Variants in SHPRH observed in about 807,000 individuals in gnomAD.
SHPRH encodes SNF2 histone linker PHD RING helicase, also known as E3 ubiquitin-protein ligase SHPRH.
In SHPRH, 106 loss-of-function variants were observed where a neutral mutation model predicts 202.5. The ratio of observed to expected loss-of-function variants is 0.52; its 90% CI spans 0.45 to 0.62. The LOEUF (loss-of-function observed/expected upper bound fraction) is 0.62. Ranked by LOEUF, SHPRH falls within the 20% of genes least tolerant of loss-of-function variation. The probability of loss-of-function intolerance (pLI) is 0.00; values close to 1 mark genes in which losing one functional copy is unlikely to be tolerated. For missense variants in SHPRH, 1,710 were observed against 2,020.0 expected (o/e 0.85, Z 2.94); for synonymous variants, 729 against 686.0 (o/e 1.06, Z -0.98).
chr6:145,930,871 G>C (rs1311526461), intron 14 of SHPRH, among the ~76,000 whole-genome samples: 1 of 152,062 alleles, frequency 6.6e-6, no homozygotes, highest in Non-Finnish European at 1.5e-5. Flanking sequence ...TCAGTTTTTA[G>C]TATTTATTTT....
In SHPRH at chr6:145,940,779, A is replaced by G. The variant is rs1369526327; in HGVS notation, c.2513T>C (p.Leu838Ser). The G allele has an allele frequency of 6.2e-7, 1 of 1,613,858 alleles. No homozygotes were observed. Among genetic ancestry groups the G allele is most frequent in the Non-Finnish European group, 8.5e-7 (1 of 1,179,864 alleles). The change falls in exon 11 of 30, where the codon TTG (leucine) becomes TCG (serine). Residue 838 changes from leucine to serine, a missense_variant. Leu to Ser is a moderately radical substitution (Grantham distance 145). Transcript: ENST00000275233. ...TVKAAEMAQR[L>S]SGINRWCISG... ...GATACACCATCGATTAATCCCACTC[A>G]AACGCTGGGCCATTTCTGCAGCCTG...
chr6:145,910,557 T>C lies in SHPRH; in HGVS notation c.4406A>G (p.His1469Arg), dbSNP rs767660037. 10 of 1,611,392 alleles carry C rather than the reference T, an allele frequency of 6.2e-6. No homozygotes were observed. The South Asian group carries it at 9.9e-5, about 16-fold the overall frequency. ...IIIEQYSVGS[H>R]RSSIKCAICR... ...GATTGCACACTTAATGGAGCTTCTG[T>C]GAGATCCCACGCTGTATTGTTCAAT... Residue 1469 changes from histidine (H) to arginine (R), a missense_variant, in exon 25 of 30, where the codon CAC becomes CGC. His to Arg is a conservative substitution (Grantham distance 29). This residue lies in a region of SHPRH where 306 missense variants were observed against 479.5 expected (regional missense o/e 0.64). Coordinates refer to ENST00000275233, the MANE Select transcript of SHPRH (RefSeq NM_001042683.3).
chr6:145,931,092 T>C (rs1156727717), intron 14 of SHPRH, among the ~76,000 whole-genome samples: 1 of 152,146 alleles, frequency 6.6e-6, no homozygotes, highest in Non-Finnish European at 1.5e-5. Flanking sequence ...TTAACATATC[T>C]TTTTTCATCC....
intron 28 of SHPRH, among the ~76,000 whole-genome samples, chr6:145,889,954 C>T (rs1046139190): frequency 2.6e-4 from 40 of 152,190 alleles, no homozygotes; most frequent in African/African-American, 9.4e-4. Context: ...ACCCCTTCCT[C>T]CACTTCAGTG....
intron 20 of SHPRH, 84 bp downstream of exon 20, chr6:145,922,202 G>A: frequency 1.7e-6 from 2 of 1,168,412 alleles, no homozygotes; most frequent in South Asian, 1.4e-5. Flanking sequence ...TTACTGTGGG[G>A]GAAAACATAG....
At chr6:145,921,450 T>C in intron 20 of SHPRH, 58 bp from the exon 21 acceptor site, 1 of 1,493,044 alleles carries the variant, frequency 6.7e-7, no homozygotes, top group Non-Finnish European at 9.3e-7. Flanking sequence ...AAAAGCAACC[T>C]TCAATGTGAG....
Position 145,945,534 on chromosome 6 carries a change from A to G in SHPRH, c.1425T>C (p.Asp475=), listed in dbSNP as rs1303437051. Residue 475 remains aspartate (D), a synonymous_variant, in exon 8 of 30, where the codon GAT becomes GAC. Coordinates refer to ENST00000275233, the MANE Select transcript of SHPRH (RefSeq NM_001042683.3). ...YKYVSSIYRY[D]VQRNRSLLKR... ...TCAAAAGACTCCTGTTCCGTTGAAC[A>G]TCGTATCTATATATAGAACTGACAT... The G allele has an allele frequency of 1.7e-5, 27 of 1,613,206 alleles. No individual in the cohort carries two copies. Among genetic ancestry groups the G allele is most frequent in the Non-Finnish European group, 2.3e-5 (27 of 1,179,620 alleles).
intron 2 of SHPRH, among the ~76,000 whole-genome samples, chr6:145,871,861 G>T (rs574805172): frequency 1.8e-4 from 27 of 152,180 alleles, no homozygotes; most frequent in Middle Eastern, 3.4e-3. Context: ...ATAGACCAAT[G>T]GAAAAGAATA....
At chr6:145,948,740 G>T (rs1243001893) in intron 4 of SHPRH, among the ~76,000 whole-genome samples, 2 of 152,070 alleles carry the variant, frequency 1.3e-5, no homozygotes, top group Non-Finnish European at 1.5e-5. Flanking sequence ...TAACTCAATA[G>T]ACATATGCTA....
rs1262102893 is a variant in SHPRH at position 145,893,337 on chromosome 6, C to T, written c.4752G>A (p.Leu1584=). ...TAGTTAATCCATTAGAACCTGTGTG[C>T]AGGGGCAGCAGCAAAATATTGATTT... ...DPQINILLLP[L]HTGSNGLTII... Residue 1584 remains leucine (L), a synonymous_variant, in exon 28 of 30, where the codon CTG becomes CTA. Transcript: ENST00000275233. The T allele has an allele frequency of 2.5e-6, 4 of 1,597,872 alleles. No homozygotes were observed. Among genetic ancestry groups the T allele is most frequent in the South Asian group, 1.1e-5 (1 of 88,434 alleles).
intron 28 of SHPRH, among the ~76,000 whole-genome samples, chr6:145,892,119 C>G (rs1040696801): frequency 5.9e-5 from 9 of 152,126 alleles, no homozygotes; most frequent in Non-Finnish European, 1.0e-4. Flanking sequence ...GAGTATGACA[C>G]AGAAGACTTC....
chr6:145,930,804 G>A (rs1257639242), intron 14 of SHPRH, among the ~76,000 whole-genome samples: 1 of 152,122 alleles, frequency 6.6e-6, no homozygotes, highest in Non-Finnish European at 1.5e-5. Context: ...ACTGAGAGAG[G>A]GATGTAGAAA....
chr6:145,894,366 CA>C, intron 26 of SHPRH, 130 bp from the exon 27 acceptor site: 2 of 533,194 alleles, frequency 3.8e-6, no homozygotes, highest in East Asian at 3.5e-5. Flanking sequence ...CCAAAACCCT[CA>C]AATGTAGTAC....
intron 26 of SHPRH, 74 bp from the exon 27 acceptor site, chr6:145,894,310 A>C (rs890171829): frequency 8.7e-6 from 10 of 1,153,464 alleles, no homozygotes; most frequent in Non-Finnish European, 1.2e-5. Flanking sequence ...AAAAGGAAAT[A>C]AATCAAAATG....
rs141990246 is a variant in SHPRH, at chr6:145,919,152, T to C, written c.4152+196A>G. Reference sequence around the variant, plus strand: ...GCCCCAAAATAGTGAACACTAAGCATGTAATAGATATGAAATTGCTCATCT... The same window carrying C: ...GCCCCAAAATAGTGAACACTAAGCACGTAATAGATATGAAATTGCTCATCT... On this transcript the variant is annotated intron_variant, in intron 22 of 29. Transcript: ENST00000275233. The C allele has an allele frequency of 5.3e-3, 3,338 of 629,426 alleles. 21 individuals are homozygous for C. Among genetic ancestry groups the C allele is most frequent in the Middle Eastern group, 8.1e-3 (18 of 2,224 alleles). 39.0% of individuals were successfully genotyped at this position (629,426 alleles called of 1,614,324 possible). A position where few individuals can be genotyped will look rare whatever the true frequency, so the allele number is the denominator to read the frequency against.
intron 1 of SHPRH, among the ~76,000 whole-genome samples, chr6:145,958,443 A>G (rs1401819456): frequency 6.6e-6 from 1 of 152,188 alleles, no homozygotes; most frequent in Non-Finnish European, 1.5e-5. Context: ...TTTGCTAACA[A>G]AATACAAATG....
chr6:145,892,663 A>G (rs1437800881), intron 28 of SHPRH, among the ~76,000 whole-genome samples: 10 of 152,296 alleles, frequency 6.6e-5, no homozygotes, highest in African/African-American at 2.2e-4. Context: ...ATATGAATAA[A>G]GGTAATACAT....
chr6:145,947,674 T>G (rs547090645), intron 5 of SHPRH, 31 bp from the exon 6 acceptor site: 1 of 1,607,320 alleles, frequency 6.2e-7, no homozygotes. Context: ...AATCACATCA[T>G]AGGAATGTGA....
intron 11 of SHPRH, among the ~76,000 whole-genome samples, chr6:145,936,094 G>C (rs1326103683): frequency 2.0e-5 from 3 of 152,032 alleles, no homozygotes; most frequent in Non-Finnish European, 2.9e-5. Flanking sequence ...GGGACTTCTT[G>C]TTTATCTCTT....
Sources: gnomAD v4.1 joint callset for allele counts (sites outside exome capture counted in the v4.1 genomes callset) on GRCh38, gnomAD v4.1.1 for gene constraint, gnomAD v4.1.1 regional missense constraint, MANE v1.5 for transcripts, NCBI Gene and HGNC (gene_info 2026-07-23, HGNC 2026-07-21) for gene names.